The following KCNC4 variants were observed in gnomAD, a reference collection of about 807,000 sequenced individuals.
KCNC4 encodes voltage-gated potassium channel KCNC4.
In KCNC4, 23 loss-of-function variants were observed where a neutral mutation model predicts 42.8. That is an observed-to-expected ratio of 0.54 (90% confidence interval 0.39 to 0.76). KCNC4 has a LOEUF of 0.76. KCNC4 is among the 30% of genes least tolerant of loss of function. The pLI, the probability that KCNC4 is intolerant of heterozygous loss-of-function variation, is 0.00. For synonymous variants in KCNC4, 422 were observed against 393.5 expected (o/e 1.07, Z -0.86); for missense variants, 751 against 898.2 (o/e 0.84, Z 2.10).
At chr1:110,243,573 A>G in exon 4 of KCNC4, 1 of 153,014 alleles carries the variant, frequency 6.5e-6, no homozygotes, top group Non-Finnish European at 1.5e-5. Flanking sequence ...GAGAGGAAGC[A>G]CAGGGGAAGA....
chr1:110,262,607 A>G (rs1388748424), intron 1 of KCNC4, among the ~76,000 whole-genome samples: 2 of 152,230 alleles, frequency 1.3e-5, no homozygotes, highest in Non-Finnish European at 2.9e-5. Flanking sequence ...GGCTCCCAGA[A>G]GCCCATAGGA....
At position 110,212,193 on chromosome 1, in the gene KCNC4, C is replaced by G; in HGVS notation, c.678+16C>G. 1 of 1,458,266 alleles carries G rather than the reference C, an allele frequency of 6.9e-7. No homozygotes were observed. The highest frequency in any genetic ancestry group is 8.9e-7 in the Non-Finnish European group (1 of 1,120,776). The allele number at this position is 1,458,266 out of a possible 1,614,324, so 90.3% of individuals were successfully genotyped here. On this transcript the variant is annotated intron_variant, in intron 1 of 3. Coordinates refer to ENST00000438661, the MANE Select transcript of KCNC4 (RefSeq NM_001039574.3). ...GGCCGCTAGGGTGAGTGGCAGGAGC[C>G]CGTGTCTCCCCATCTTGGGTCTGCA...
rs896911754 is a variant in KCNC4, at chr1:110,263,310, A to G, written n.31-19224A>G. On this transcript the variant is annotated intron_variant and non_coding_transcript_variant, in intron 1 of 2. Coordinates refer to the KCNC4 transcript ENST00000412512. ...GTGACATCTTGGGAGATTTTGGTGC[A>G]TGAGGCATGCTTTAAAAATACATGA... Among the ~76,000 whole-genome samples the G allele has an allele frequency of 4.0e-5, 6 of 151,220 alleles. No individual in the cohort carries two copies. The East Asian group carries it at 7.8e-4, about 20-fold the overall frequency.
chr1:110,260,116 C>T (rs567763086), intron 1 of KCNC4, among the ~76,000 whole-genome samples: 3 of 152,316 alleles, frequency 2.0e-5, no homozygotes, highest in African/African-American at 7.2e-5. Context: ...GTTTTTACTC[C>T]TCTCAAGAGA....
chr1:110,259,010 C>T (rs140303732), intron 1 of KCNC4, among the ~76,000 whole-genome samples: 3 of 152,364 alleles, frequency 2.0e-5, no homozygotes, highest in African/African-American at 7.2e-5. Flanking sequence ...GGGGTGGATG[C>T]TGTGGCTCTG....
At chr1:110,268,692 T>C (rs1157840984) in intron 1 of KCNC4, among the ~76,000 whole-genome samples, 1 of 150,518 alleles carries the variant, frequency 6.6e-6, no homozygotes, top group East Asian at 1.9e-4. Context: ...CTTGAGAAGT[T>C]TCTCCCGTTC....
At position 110,223,805 on chromosome 1, in the gene KCNC4, A is replaced by C. The variant is rs1448258015; in HGVS notation, c.1520A>C (p.Tyr507Ser). ...PRPAQLESPM[Y>S]CKSEETSPRD... ...CCGGCGCAGCTGGAGTCACCCATGT[A>C]CTGCAAGTCTGAGGAGACTTCCCCC... The change falls in exon 2 of 4, where the codon TAC becomes TCC. Residue 507 changes from tyrosine (Y) to serine (S), a missense_variant. By Grantham distance (144) the Tyr-to-Ser change is moderately radical. Coordinates refer to ENST00000438661, the MANE Select transcript of KCNC4 (RefSeq NM_001039574.3). The surrounding 1 kb of genome is among the most constrained non-coding windows in gnomAD (Gnocchi z 7.5). The C allele has an allele frequency of 6.2e-7, 1 of 1,614,042 alleles. No individual in the cohort carries two copies.
chr1:110,255,353 C>T (rs556275640), intron 1 of KCNC4, among the ~76,000 whole-genome samples: 1 of 152,316 alleles, frequency 6.6e-6, no homozygotes, highest in Admixed American at 6.5e-5. Context: ...CTCCAGCTCA[C>T]CCCTTCACAC....
At chr1:110,272,727 A>G (rs1255425863) in intron 1 of KCNC4, 2 of 129,760 alleles carry the variant, frequency 1.5e-5, no homozygotes, top group African/African-American at 5.8e-5. Flanking sequence ...GGGGTTGGGG[A>G]GAGAGAGACA....
At position 110,210,794 on chromosome 1, in the gene KCNC4, A is replaced by G. The variant is rs1172194046; in HGVS notation, c.-706A>G. ...GCTCCTGCGGGCGCGCTTGTTTTCC[A>G]GCTGCCGCCTCGCCCTGCGCAGCCC... On this transcript the variant is annotated 5_prime_UTR_variant, in exon 1 of 4. Coordinates refer to ENST00000438661, the MANE Select transcript of KCNC4 (RefSeq NM_001039574.3). 2.6e-5 allele frequency among the ~76,000 whole-genome samples: 4 copies of G among 151,092 alleles called. No homozygotes were observed. Among genetic ancestry groups the G allele is most frequent in the African/African-American group, 4.9e-5 (2 of 41,096 alleles).
chr1:110,229,024 G>A (rs867815286), intron 3 of KCNC4: 10 of 152,236 alleles, frequency 6.6e-5, no homozygotes, highest in South Asian at 2.1e-4. Flanking sequence ...GCCACCAGGC[G>A]TTTATGTGTG....
chr1:110,214,282 T>G (rs1255536734), intron 1 of KCNC4, among the ~76,000 whole-genome samples: 1 of 152,176 alleles, frequency 6.6e-6, no homozygotes, highest in Non-Finnish European at 1.5e-5. Flanking sequence ...CCAAAGACAT[T>G]TAACTAATAG....
At chr1:110,276,210 C>T (rs1025574357) in intron 1 of KCNC4, among the ~76,000 whole-genome samples, 2 of 142,142 alleles carry the variant, frequency 1.4e-5, no homozygotes, top group African/African-American at 5.3e-5. Context: ...GTACATTATT[C>T]AGGTGAAGGT....
At chr1:110,224,030 T>C (rs768466768) in intron 2 of KCNC4, 130 bp downstream of exon 2, 1 of 765,046 alleles carries the variant, frequency 1.3e-6, no homozygotes, top group Non-Finnish European at 2.1e-6. Flanking sequence ...GATGTGCCTT[T>C]ATGAGGGCAA....
downstream of KCNC4, chr1:110,235,341 C>T (rs1658880820): frequency 6.6e-6 from 1 of 152,154 alleles, no homozygotes; most frequent in Non-Finnish European, 1.5e-5. Context: ...CCCCCCTAGA[C>T]AGGAGAAAGC....
intron 1 of KCNC4, chr1:110,220,518 A>G (rs1171076402): frequency 7.4e-6 from 1 of 134,684 alleles, no homozygotes; most frequent in Non-Finnish European, 1.5e-5. Context: ...CTCTTCCTGA[A>G]CTTGTTTTTC....
At chr1:110,275,656 A>C (rs1396781682) in intron 1 of KCNC4, among the ~76,000 whole-genome samples, 1 of 152,194 alleles carries the variant, frequency 6.6e-6, no homozygotes, top group Non-Finnish European at 1.5e-5. Flanking sequence ...ACCACGGAAT[A>C]CTATTCAGCC....
intron 1 of KCNC4, among the ~76,000 whole-genome samples, chr1:110,270,951 TGG>T (rs528958542): frequency 6.6e-6 from 1 of 152,170 alleles, no homozygotes; most frequent in African/African-American, 2.4e-5. Context: ...ATTTAGACCC[TGG>T]GGGGCTGAAT....
At chr1:110,268,730 ATT>A (rs1312990388) in intron 1 of KCNC4, among the ~76,000 whole-genome samples, 9 of 132,318 alleles carry the variant, frequency 6.8e-5, no homozygotes, top group Admixed American at 8.1e-5. Flanking sequence ...CTGAGATTTT[ATT>A]TTTTTTTTTT....
Sources: gnomAD v4.1 joint callset for allele counts (sites outside exome capture counted in the v4.1 genomes callset) on GRCh38, gnomAD v4.1.1 for gene constraint, Gnocchi (gnomAD v3.1) non-coding constraint, MANE v1.5 for transcripts, NCBI Gene and HGNC (gene_info 2026-07-23, HGNC 2026-07-21) for gene names.